PTPRO: variants seen among roughly 807,000 people sequenced by gnomAD.
PTPRO encodes receptor-type tyrosine-protein phosphatase O.
A neutral mutation model predicts 145.2 loss-of-function variants in PTPRO; 62 were observed. The ratio of observed to expected loss-of-function variants is 0.43; its 90% CI spans 0.35 to 0.53. The LOEUF (loss-of-function observed/expected upper bound fraction) is 0.53. Ranked by LOEUF, PTPRO falls within the 20% of genes least tolerant of loss-of-function variation. The pLI is 0.01. For missense variants in PTPRO, 1,345 were observed against 1,482.7 expected, an observed-to-expected ratio of 0.91 and a Z score of 1.53; for synonymous variants, 565 against 514.7, an observed-to-expected ratio of 1.10 and a Z score of -1.32.
chr12:15,412,567 G>T (rs916686200), intron 1 of PTPRO, among the ~76,000 whole-genome samples: 1 of 152,148 alleles, frequency 6.6e-6, no homozygotes, highest in African/African-American at 2.4e-5. Context: ...TTACATGAGG[G>T]TAACTCTAAT....
At chr12:15,472,382 A>C (rs549721059) in intron 1 of PTPRO, among the ~76,000 whole-genome samples, 2 of 152,226 alleles carry the variant, frequency 1.3e-5, no homozygotes, top group African/African-American at 2.4e-5. Context: ...GCATTACAAG[A>C]GTTCATGATT....
At chr12:15,472,549 C>T (rs1199724046) in intron 1 of PTPRO, among the ~76,000 whole-genome samples, 1 of 152,132 alleles carries the variant, frequency 6.6e-6, no homozygotes, top group African/African-American at 2.4e-5. Context: ...ACCAGATTCC[C>T]CTGGCAAACT....
At chr12:15,562,619 A>C (rs1316002444) in intron 17 of PTPRO, among the ~76,000 whole-genome samples, 3 of 152,078 alleles carry the variant, frequency 2.0e-5, no homozygotes, top group African/African-American at 7.2e-5. Flanking sequence ...ACCAGTACCC[A>C]GTTAGGTTGG....
intron 24 of PTPRO, among the ~76,000 whole-genome samples, chr12:15,588,737 C>G (rs1410046972): frequency 6.6e-6 from 1 of 152,178 alleles, no homozygotes; most frequent in Non-Finnish European, 1.5e-5. Flanking sequence ...GAGTTTTGAG[C>G]TGATCTGAGG....
intron 18 of PTPRO, among the ~76,000 whole-genome samples, chr12:15,566,107 G>A (rs1018421024): frequency 6.6e-6 from 1 of 152,152 alleles, no homozygotes; most frequent in East Asian, 1.9e-4. Flanking sequence ...AATCTAGCCT[G>A]TGGTTTTCCT....
rs187555635 is a variant in PTPRO at position 15,412,887 on chromosome 12, G to A, written c.76-71087G>A. Reference sequence around the variant, plus strand: ...CGTCTCACTACAAACTTCACCTCCCGGGTTCAAGTTATTCTCCTGCCTCAG... The same window carrying A: ...CGTCTCACTACAAACTTCACCTCCCAGGTTCAAGTTATTCTCCTGCCTCAG... On this transcript the variant is annotated intron_variant, in intron 1 of 26. Coordinates refer to ENST00000281171, the MANE Select transcript of PTPRO (RefSeq NM_030667.3). Among the ~76,000 whole-genome samples the A allele has an allele frequency of 6.6e-5, 10 of 152,112 alleles. No homozygotes were observed. In the East Asian group the frequency reaches 1.4e-3, roughly 21 times the overall value.
intron 1 of PTPRO, among the ~76,000 whole-genome samples, chr12:15,480,144 G>C (rs1323557047): frequency 1.3e-5 from 2 of 151,968 alleles, no homozygotes; most frequent in Non-Finnish European, 2.9e-5. Context: ...TACTTGTTTT[G>C]TTGTTTCTAT....
At chr12:15,474,078 G>A (rs560633123) in intron 1 of PTPRO, among the ~76,000 whole-genome samples, 6 of 152,014 alleles carry the variant, frequency 3.9e-5, no homozygotes, top group Admixed American at 1.3e-4. Context: ...AACCTGTCTG[G>A]GTAAAATGGA....
In PTPRO at chr12:15,502,074, A is replaced by G. The variant is rs533170124; in HGVS notation, c.1105+11A>G. The G allele has an allele frequency of 2.5e-6, 4 of 1,583,878 alleles. No individual in the cohort carries two copies. The highest frequency in any genetic ancestry group is 3.5e-6 in the Non-Finnish European group (4 of 1,152,572). On this transcript the variant is annotated intron_variant, in intron 5 of 26. Coordinates refer to ENST00000281171, the MANE Select transcript of PTPRO (RefSeq NM_030667.3). ...ATATTGAACGAGAAGGTAAAGCAGT[A>G]GGAAATCAGAGGAAATAAGAACTGA...
chr12:15,590,731 C>T (rs1944533650), intron 25 of PTPRO, among the ~76,000 whole-genome samples: 1 of 152,164 alleles, frequency 6.6e-6, no homozygotes, highest in South Asian at 2.1e-4. Flanking sequence ...AATATTCAGA[C>T]CTCTCATTGA....
intron 24 of PTPRO, among the ~76,000 whole-genome samples, chr12:15,587,542 G>A (rs1944455273): frequency 6.6e-6 from 1 of 152,118 alleles, no homozygotes; most frequent in South Asian, 2.1e-4. Context: ...ATTCAGCTTA[G>A]GAAGATAAAC....
chr12:15,577,307 C>T (rs948088208), intron 19 of PTPRO, among the ~76,000 whole-genome samples: 7 of 152,210 alleles, frequency 4.6e-5, no homozygotes, highest in African/African-American at 1.7e-4. Context: ...ATGTTGGCTA[C>T]AGTCAGGCAA....
intron 1 of PTPRO, among the ~76,000 whole-genome samples, chr12:15,328,851 A>C (rs1166971394): frequency 6.6e-6 from 1 of 152,238 alleles, no homozygotes; most frequent in Non-Finnish European, 1.5e-5. Context: ...TTTAAACTAA[A>C]TAAACCTATT....
intron 1 of PTPRO, among the ~76,000 whole-genome samples, chr12:15,450,760 T>C (rs1029696434): frequency 2.0e-5 from 3 of 151,914 alleles, no homozygotes; most frequent in Non-Finnish European, 1.5e-5. Context: ...GTAACAGAGT[T>C]ACATGCTGTC....
chr12:15,568,450 A>AAAACG (rs914380584), intron 18 of PTPRO, among the ~76,000 whole-genome samples: 1 of 151,848 alleles, frequency 6.6e-6, no homozygotes, highest in Non-Finnish European at 1.5e-5. Flanking sequence ...AAAACAAAAC[A>AAAACG]AAACAAAACA....
chr12:15,484,326 T>TCCAC, intron 2 of PTPRO, 79 bp downstream of exon 2: 1 of 1,549,378 alleles, frequency 6.5e-7, no homozygotes, highest in Non-Finnish European at 8.9e-7. Context: ...ATTGACAGAC[T>TCCAC]CCACCCAGAA....
chr12:15,368,666 A>G (rs1409906018), intron 1 of PTPRO, among the ~76,000 whole-genome samples: 1 of 152,182 alleles, frequency 6.6e-6, no homozygotes, highest in Admixed American at 6.5e-5. Flanking sequence ...TGAGCTCTGG[A>G]TTTATCCTCT....
intron 1 of PTPRO, among the ~76,000 whole-genome samples, chr12:15,363,455 T>C (rs1443604357): frequency 6.6e-6 from 1 of 152,032 alleles, no homozygotes; most frequent in Non-Finnish European, 1.5e-5. Flanking sequence ...CAAAAAGACT[T>C]TAATAGGCCA....
chr12:15,432,986 T>G (rs1455693771), intron 1 of PTPRO, among the ~76,000 whole-genome samples: 1 of 152,000 alleles, frequency 6.6e-6, no homozygotes, highest in Non-Finnish European at 1.5e-5. Flanking sequence ...TTTGTTTGTT[T>G]TTGTTGTTGT....
Sources: allele counts gnomAD v4.1 joint callset (sites outside exome capture counted in the v4.1 genomes callset), GRCh38; gene constraint gnomAD v4.1.1; transcripts MANE v1.5; gene names NCBI Gene and HGNC (gene_info 2026-07-23, HGNC 2026-07-21).